The following TACR1 variants were observed in gnomAD, a reference collection of about 807,000 sequenced individuals.
TACR1 encodes the protein substance-P receptor.
Under a neutral mutation model 35.8 loss-of-function variants are expected in TACR1, and 25 were observed. The observed-to-expected ratio is 0.70, with a 90% confidence interval of 0.51 to 0.98. The LOEUF is 0.98. Ranked by LOEUF, TACR1 falls within the 50% of genes least tolerant of loss-of-function variation. TACR1 has a pLI of 0.00. For missense variants in TACR1, 478 were observed against 522.9 expected (o/e 0.91, Z 0.84); for synonymous variants, 195 against 206.7 (o/e 0.94, Z 0.48).
intron 1 of TACR1, among the ~76,000 whole-genome samples, chr2:75,157,074 TG>T (rs1674879357): frequency 6.6e-6 from 1 of 152,124 alleles, no homozygotes; most frequent in African/African-American, 2.4e-5. Flanking sequence ...CCTGGATCAA[TG>T]GTTTTCAGAA....
At chr2:75,163,195 T>C (rs7608119) in intron 1 of TACR1, among the ~76,000 whole-genome samples, 11,409 of 152,256 alleles carry the variant, frequency 0.075, 1,014 homozygotes, top group African/African-American at 0.22. Flanking sequence ...AGAGTCCCCA[T>C]TGATTCACAG....
At chr2:75,085,605 G>A (rs767102351) in intron 2 of TACR1, among the ~76,000 whole-genome samples, 5 of 152,152 alleles carry the variant, frequency 3.3e-5, no homozygotes, top group Admixed American at 6.5e-5. Context: ...GAGGAGGTGG[G>A]ATCTGACTTT....
chr2:75,049,401 T>C lies in TACR1; in HGVS notation c.*31A>G. ...ATGAAGGGAGGCAGGTCAAAGGCAG[T>C]GGGGGCTGCACCTGCCAAAGGCCCT... On this transcript the variant is annotated 3_prime_UTR_variant, in exon 5 of 5. Transcript: ENST00000305249. 6.3e-7 allele frequency: 1 copy of C among 1,589,196 alleles called. No homozygotes were observed.
chr2:75,059,369 T>C (rs964683010), intron 2 of TACR1, among the ~76,000 whole-genome samples: 1 of 152,202 alleles, frequency 6.6e-6, no homozygotes, highest in Non-Finnish European at 1.5e-5. Flanking sequence ...ACCCAGTAAT[T>C]CCTGTGTATG....
chr2:75,050,433 A>T (rs1032970094), intron 4 of TACR1, among the ~76,000 whole-genome samples: 13 of 152,218 alleles, frequency 8.5e-5, no homozygotes, highest in African/African-American at 3.1e-4. Context: ...TAAAGATGGT[A>T]ACAAGCATTT....
chr2:75,087,853 C>G (rs1021320501), intron 2 of TACR1, among the ~76,000 whole-genome samples: 1 of 152,224 alleles, frequency 6.6e-6, no homozygotes, highest in African/African-American at 2.4e-5. Context: ...TCAGGAGTCT[C>G]ATTGCCTCTT....
intron 2 of TACR1, among the ~76,000 whole-genome samples, chr2:75,081,979 G>T (rs1253637060): frequency 1.8e-4 from 27 of 150,028 alleles, no homozygotes; most frequent in African/African-American, 5.2e-4. Context: ...ATGCAGGTTT[G>T]TTACATATGT....
At chr2:75,166,645 A>G (rs149721100) in intron 1 of TACR1, among the ~76,000 whole-genome samples, 29 of 152,366 alleles carry the variant, frequency 1.9e-4, no homozygotes, top group Non-Finnish European at 3.5e-4. Context: ...ATTTTCAAAG[A>G]GAGCAAGAGT....
chr2:75,119,441 A>G (rs1315754145), intron 2 of TACR1, among the ~76,000 whole-genome samples: 1 of 152,240 alleles, frequency 6.6e-6, no homozygotes, highest in Non-Finnish European at 1.5e-5. Context: ...TATGATTCAC[A>G]TAAAAAACCC....
intron 2 of TACR1, among the ~76,000 whole-genome samples, chr2:75,109,855 A>G (rs1489996478): frequency 1.3e-5 from 2 of 152,192 alleles, no homozygotes; most frequent in Non-Finnish European, 2.9e-5. Flanking sequence ...TCAAGTTAGT[A>G]AAATAGTAAG....
At chr2:75,115,302 C>G (rs1032761213) in intron 2 of TACR1, among the ~76,000 whole-genome samples, 1 of 152,050 alleles carries the variant, frequency 6.6e-6, no homozygotes, top group African/African-American at 2.4e-5. Flanking sequence ...ATTATTTTCC[C>G]CCATCAGATG....
chr2:75,135,598 G>T (rs772013088), intron 1 of TACR1, among the ~76,000 whole-genome samples: 1 of 152,200 alleles, frequency 6.6e-6, no homozygotes, highest in Non-Finnish European at 1.5e-5. Flanking sequence ...AGGCAGTGGC[G>T]TCGGCTTAAT....
At chr2:75,094,633 T>C (rs1186510534) in intron 2 of TACR1, among the ~76,000 whole-genome samples, 1 of 151,540 alleles carries the variant, frequency 6.6e-6, no homozygotes, top group African/African-American at 2.4e-5. Flanking sequence ...GAGATGGACA[T>C]GATGGTGGTG....
intron 2 of TACR1, among the ~76,000 whole-genome samples, chr2:75,119,237 T>C (rs999552716): frequency 6.6e-6 from 1 of 152,220 alleles, no homozygotes; most frequent in Non-Finnish European, 1.5e-5. Flanking sequence ...TTGTATGGCA[T>C]TTAGTAGCTT....
intron 1 of TACR1, among the ~76,000 whole-genome samples, chr2:75,148,268 A>T (rs1674591835): frequency 6.6e-6 from 1 of 152,120 alleles, no homozygotes; most frequent in Admixed American, 6.5e-5. Context: ...TGGTTTTTCT[A>T]GTTCTAGATC....
intron 1 of TACR1, among the ~76,000 whole-genome samples, chr2:75,196,198 G>GA (rs1424396548): frequency 6.6e-6 from 1 of 152,214 alleles, no homozygotes; most frequent in Non-Finnish European, 1.5e-5. Flanking sequence ...CCATGCTGGA[G>GA]AAAAGGGAGA....
intron 2 of TACR1, among the ~76,000 whole-genome samples, chr2:75,113,532 C>CTTTTTTTTTTTT (rs11437762): frequency 2.8e-4 from 26 of 92,084 alleles, no homozygotes; most frequent in African/African-American, 5.8e-4. Context: ...TTTCTTCTTC[C>CTTTTTTTTTTTT]TTTTTTTTTT....
chr2:75,130,112 G>A (rs1268427975), intron 1 of TACR1, among the ~76,000 whole-genome samples: 1 of 152,194 alleles, frequency 6.6e-6, no homozygotes, highest in African/African-American at 2.4e-5. Flanking sequence ...ATATCTTAAT[G>A]TATTGCATTA....
At chr2:75,062,987 G>A (rs900845633) in intron 2 of TACR1, among the ~76,000 whole-genome samples, 4 of 152,180 alleles carry the variant, frequency 2.6e-5, no homozygotes. Flanking sequence ...CATGGGTGGG[G>A]AGGCCTCATA....
Sources: gnomAD v4.1 joint callset for allele counts (sites outside exome capture counted in the v4.1 genomes callset) on GRCh38, gnomAD v4.1.1 for gene constraint, MANE v1.5 for transcripts, NCBI Gene and HGNC (gene_info 2026-07-23, HGNC 2026-07-21) for gene names.